PLAC8: variants seen among roughly 807,000 people sequenced by gnomAD.
The protein encoded by PLAC8 is placenta-specific gene 8 protein.
Under a neutral mutation model 12.6 loss-of-function variants are expected in PLAC8, and 6 were observed. The observed-to-expected ratio is 0.48, with a 90% CI of 0.26 to 0.94. PLAC8 has a LOEUF of 0.94. Ranked by LOEUF, PLAC8 falls within the 40% of genes least tolerant of loss-of-function variation. The probability of loss-of-function intolerance (pLI) is 0.14; values close to 1 mark genes in which losing one functional copy is unlikely to be tolerated. For missense variants in PLAC8, 122 were observed against 152.7 expected, an observed-to-expected ratio of 0.80 and a Z score of 1.06; for synonymous variants, 54 against 52.6, an observed-to-expected ratio of 1.03 and a Z score of -0.11.
chr4:83,112,479 T>A (rs1732446702), intron 1 of PLAC8, among the ~76,000 whole-genome samples: 1 of 152,102 alleles, frequency 6.6e-6, no homozygotes, highest in Non-Finnish European at 1.5e-5. Context: ...CCAGGAGGTT[T>A]CTGATGCTAT....
intron 2 of PLAC8, among the ~76,000 whole-genome samples, chr4:83,106,149 A>G (rs1442087476): frequency 6.6e-6 from 1 of 151,870 alleles, no homozygotes; most frequent in Admixed American, 6.5e-5. Context: ...ACAGGCACCC[A>G]CCACCATGCC....
chr4:83,094,714 G>A lies in PLAC8; in HGVS notation c.321C>T (p.Asn107=), dbSNP rs1347324478. 1.2e-6 allele frequency: 2 copies of A among 1,605,142 alleles called. No individual in the cohort carries two copies. The highest frequency in any genetic ancestry group is 1.3e-5 in the African/African-American group (1 of 74,680). The change falls in exon 4 of 5, where the codon AAC becomes AAT. Residue 107 remains asparagine (N), a synonymous_variant. Transcript: ENST00000311507. Reference sequence around the variant, plus strand: ...AGAAAGTACGCATGGCTCTCCTTCTGTTGATATCTCTCTTGATTTGGCAAA... The same window carrying A: ...AGAAAGTACGCATGGCTCTCCTTCTATTGATATCTCTCTTGATTTGGCAAA... ...CTLCQIKRDI[N]RRRAMRTF is the part of the protein sequence containing the mutation.
At chr4:83,096,322 G>A (rs1056866425) in intron 3 of PLAC8, among the ~76,000 whole-genome samples, 3 of 152,060 alleles carry the variant, frequency 2.0e-5, no homozygotes. Context: ...AGAGTTTCAG[G>A]CTAGGACTGC....
intron 1 of PLAC8, among the ~76,000 whole-genome samples, chr4:83,110,822 A>T (rs1732408325): frequency 6.6e-6 from 1 of 152,234 alleles, no homozygotes; most frequent in African/African-American, 2.4e-5. Flanking sequence ...TCCTGGAGGA[A>T]GAAGCATTAC....
intron 1 of PLAC8, among the ~76,000 whole-genome samples, chr4:83,112,152 T>C (rs930381216): frequency 6.8e-6 from 1 of 147,312 alleles, no homozygotes; most frequent in African/African-American, 2.6e-5. Flanking sequence ...CCAGCCTGGA[T>C]GACAGAGCGA....
intron 1 of PLAC8, among the ~76,000 whole-genome samples, chr4:83,113,249 G>A (rs529360077): frequency 1.8e-3 from 280 of 152,222 alleles, no homozygotes; most frequent in African/African-American, 6.5e-3. Flanking sequence ...TAGCTGCTTC[G>A]GTGAGAATTC....
At chr4:83,096,778 G>A (rs1731942049) in intron 3 of PLAC8, among the ~76,000 whole-genome samples, 1 of 152,152 alleles carries the variant, frequency 6.6e-6, no homozygotes, top group Non-Finnish European at 1.5e-5. Flanking sequence ...AGCCAATACT[G>A]TAAGAAATTT....
In PLAC8 at chr4:83,101,871, C is replaced by A. The variant is rs372657581; in HGVS notation, c.243+3025G>T. 1.8e-4 allele frequency among the ~76,000 whole-genome samples: 28 copies of A among 152,266 alleles called. No homozygotes were observed. In the East Asian group the frequency reaches 5.2e-3, roughly 28 times the overall value. On this transcript the variant is annotated intron_variant, in intron 3 of 4. Transcript: ENST00000311507. ...ATCTGCCTGTGCTCTATAAATGGAA[C>A]CACAAAACCTGATGACAGCACGTGT...
chr4:83,097,885 A>T (rs796920236), intron 3 of PLAC8, among the ~76,000 whole-genome samples: 8 of 124,468 alleles, frequency 6.4e-5, no homozygotes, highest in African/African-American at 2.4e-4. Context: ...TTTGAGATGG[A>T]GTCTCGCTCT....
intron 3 of PLAC8, among the ~76,000 whole-genome samples, chr4:83,097,860 G>GT (rs70946968): frequency 0.48 from 63,004 of 131,064 alleles, 16,363 homozygotes; most frequent in Admixed American, 0.58. Context: ...AGTTTTGAGG[G>GT]TTTTTTTTTT....
At chr4:83,103,815 C>T (rs760181887) in intron 3 of PLAC8, among the ~76,000 whole-genome samples, 4 of 152,138 alleles carry the variant, frequency 2.6e-5, no homozygotes, top group Non-Finnish European at 5.9e-5. Flanking sequence ...ATTACAGGCA[C>T]CTGCCACCAC....
intron 1 of PLAC8, among the ~76,000 whole-genome samples, chr4:83,111,353 G>T (rs1014029262): frequency 6.6e-6 from 1 of 151,838 alleles, no homozygotes; most frequent in African/African-American, 2.4e-5. Context: ...CAAATCCAGT[G>T]ACTAGAAAAA....
chr4:83,097,918 G>A (rs1355463020), intron 3 of PLAC8, among the ~76,000 whole-genome samples: 2 of 150,624 alleles, frequency 1.3e-5, no homozygotes, highest in African/African-American at 2.4e-5. Flanking sequence ...GAGTGCAGTG[G>A]CGTGATCTCG....
chr4:83,095,320 A>G (rs1005853396), intron 3 of PLAC8, among the ~76,000 whole-genome samples: 14 of 152,208 alleles, frequency 9.2e-5, no homozygotes, highest in African/African-American at 3.4e-4. Flanking sequence ...AAAATGATAA[A>G]ACATCTATGT....
At chr4:83,104,723 G>A (rs1732193538) in intron 3 of PLAC8, among the ~76,000 whole-genome samples, 173 bp downstream of exon 3, 1 of 152,226 alleles carries the variant, frequency 6.6e-6, no homozygotes. Flanking sequence ...AAACCTAGAA[G>A]GAGGCCACAT....
chr4:83,106,416 G>C (rs925015701), intron 2 of PLAC8, among the ~76,000 whole-genome samples: 2 of 151,958 alleles, frequency 1.3e-5, no homozygotes, highest in Admixed American at 6.5e-5. Flanking sequence ...TCAGGAGTTT[G>C]AGACCGGCCT....
intron 3 of PLAC8, among the ~76,000 whole-genome samples, chr4:83,095,455 T>G (rs1731903113): frequency 6.6e-6 from 1 of 152,106 alleles, no homozygotes; most frequent in Non-Finnish European, 1.5e-5. Context: ...AAAACAAAAT[T>G]AAGCAGAAAA....
At chr4:83,105,157 G>T in intron 2 of PLAC8, 137 bp from the exon 3 acceptor site, 1 of 919,300 alleles carries the variant, frequency 1.1e-6, no homozygotes, top group Non-Finnish European at 1.7e-6. Flanking sequence ...CATCTTCAAT[G>T]TTTCTATTCA....
intron 3 of PLAC8, among the ~76,000 whole-genome samples, chr4:83,098,148 C>T (rs774628563): frequency 5.3e-5 from 8 of 152,094 alleles, no homozygotes; most frequent in African/African-American, 1.2e-4. Context: ...TGAGCCACCG[C>T]GCCGGGCCTG....
Sources: gnomAD v4.1 joint callset for allele counts (sites outside exome capture counted in the v4.1 genomes callset) on GRCh38, gnomAD v4.1.1 for gene constraint, MANE v1.5 for transcripts, NCBI Gene and HGNC (gene_info 2026-07-23, HGNC 2026-07-21) for gene names.